The following PDZRN3 variants were observed in gnomAD, a reference collection of about 807,000 sequenced individuals.
PDZRN3 encodes the protein E3 ubiquitin-protein ligase PDZRN3.
Under a neutral mutation model 85.7 loss-of-function variants are expected in PDZRN3, and 38 were observed. The observed-to-expected ratio is 0.44, with a 90% confidence interval of 0.34 to 0.58. The LOEUF is 0.58. Among genes scored for constraint, PDZRN3 ranks in the 20% least tolerant of loss-of-function variants. The pLI is 0.01. For missense variants in PDZRN3, 1,629 were observed against 1,506.4 expected, an observed-to-expected ratio of 1.08 and a Z score of -1.35; for synonymous variants, 759 against 638.0, an observed-to-expected ratio of 1.19 and a Z score of -2.86.
At chr3:73,575,221 T>C (rs1015228772) in intron 3 of PDZRN3, among the ~76,000 whole-genome samples, 1 of 152,190 alleles carries the variant, frequency 6.6e-6, no homozygotes, top group Non-Finnish European at 1.5e-5. Context: ...AGTTCACAAA[T>C]AACTATAGAG....
Position 73,386,226 on chromosome 3 carries a change from C to CTTTTTT in PDZRN3, c.1519-447_1519-442dup, listed in dbSNP as rs71126867. ...GCTGTTTGGCTTGGGCAAGATATCA[C>CTTTTTT]TTTTTTTTTTTTTTTTTTTGAGACA... is the stretch of plus-strand genomic sequence containing the variant. On this transcript the variant is annotated intron_variant, in intron 8 of 9. Coordinates refer to ENST00000263666, the MANE Select transcript of PDZRN3 (RefSeq NM_015009.3). Among the ~76,000 whole-genome samples the CTTTTTT allele has an allele frequency of 4.9e-3, 440 of 90,652 alleles. 54 individuals are homozygous for CTTTTTT. The highest frequency in any genetic ancestry group is 0.012 in the African/African-American group (303 of 24,546). The allele number at this position is 90,652 out of a possible 152,430, so 59.5% of individuals were successfully genotyped here.
intron 3 of PDZRN3, among the ~76,000 whole-genome samples, chr3:73,531,223 C>A (rs1197197426): frequency 6.9e-6 from 1 of 144,658 alleles, no homozygotes; most frequent in Non-Finnish European, 1.5e-5. Flanking sequence ...TGCACTCCAG[C>A]CTGGGTGACA....
At chr3:73,616,977 C>G (rs768380807) in intron 1 of PDZRN3, among the ~76,000 whole-genome samples, 29 of 152,308 alleles carry the variant, frequency 1.9e-4, no homozygotes, top group Non-Finnish European at 3.4e-4. Flanking sequence ...ATTCAGGGCA[C>G]CTTGGAGTCA....
In PDZRN3 at chr3:73,385,749, A is replaced by G. The variant is rs1701365898; in HGVS notation, c.1555T>C (p.Phe519Leu). The G allele has an allele frequency of 6.2e-7, 1 of 1,613,914 alleles. No homozygotes were observed. ...EGWMDDDRND[F>L]LDDLHMDMLE... ...ATGTCCATGTGCAGGTCATCCAGAA[A>G]GTCGTTCCTGTCATCATCCATCCAG... Residue 519 changes from phenylalanine (F) to leucine (L), a missense_variant, in exon 9 of 10, where the codon TTT becomes CTT. Coordinates refer to ENST00000263666, the MANE Select transcript of PDZRN3 (RefSeq NM_015009.3).
At chr3:73,460,720 C>T (rs1287135000) in intron 3 of PDZRN3, among the ~76,000 whole-genome samples, 2 of 152,100 alleles carry the variant, frequency 1.3e-5, no homozygotes, top group Non-Finnish European at 2.9e-5. Flanking sequence ...ATTAATAATA[C>T]TTATTTTCAT....
intron 5 of PDZRN3, among the ~76,000 whole-genome samples, chr3:73,397,027 T>C (rs1031019807): frequency 3.4e-5 from 5 of 146,298 alleles, no homozygotes; most frequent in Non-Finnish European, 6.0e-5. Context: ...ATTTCTTTCT[T>C]CTTTTTCTTT....
At chr3:73,575,874 G>A (rs1362392103) in intron 3 of PDZRN3, among the ~76,000 whole-genome samples, 1 of 152,110 alleles carries the variant, frequency 6.6e-6, no homozygotes, top group African/African-American at 2.4e-5. Flanking sequence ...TATTACCTAA[G>A]CAGTAAGCCT....
intron 3 of PDZRN3, among the ~76,000 whole-genome samples, chr3:73,562,092 TAAA>T (rs1020175190): frequency 6.6e-6 from 1 of 152,184 alleles, no homozygotes; most frequent in Non-Finnish European, 1.5e-5. Context: ...TTACAGTTTC[TAAA>T]ACAGAATAGA....
chr3:73,442,696 G>GC lies in PDZRN3; in HGVS notation c.919-38302_919-38301insG, dbSNP rs1702664406. On this transcript the variant is annotated intron_variant, in intron 3 of 9. Coordinates refer to ENST00000263666, the MANE Select transcript of PDZRN3 (RefSeq NM_015009.3). ...AGCAGCAGTCGTCTGAAAATGTGTGGATTTTTTTTTTTTTTACATCTTTTG... is the reference window on the plus strand; with the variant it reads ...AGCAGCAGTCGTCTGAAAATGTGTGGCATTTTTTTTTTTTTTACATCTTTTG... 1.3e-4 allele frequency among the ~76,000 whole-genome samples: 3 copies of GC among 23,278 alleles called. No individual in the cohort carries two copies. In the Admixed American group the frequency reaches 2.2e-3, roughly 17 times the overall value. The allele number at this position is 23,278 out of a possible 152,430, so 15.3% of individuals were successfully genotyped here.
At chr3:73,437,635 T>C (rs1240886225) in intron 3 of PDZRN3, among the ~76,000 whole-genome samples, 1 of 152,128 alleles carries the variant, frequency 6.6e-6, no homozygotes, top group Non-Finnish European at 1.5e-5. Flanking sequence ...TCCATTCTTG[T>C]GATTAATATG....
chr3:73,436,127 T>C (rs1214624021), intron 3 of PDZRN3, among the ~76,000 whole-genome samples: 1 of 152,214 alleles, frequency 6.6e-6, no homozygotes, highest in East Asian at 1.9e-4. Context: ...TTGTATGAAT[T>C]TACTTTCAGA....
chr3:73,544,655 TCC>T (rs1407679233), intron 3 of PDZRN3, among the ~76,000 whole-genome samples: 1 of 152,050 alleles, frequency 6.6e-6, no homozygotes, highest in Non-Finnish European at 1.5e-5. Flanking sequence ...TTGAATTTTT[TCC>T]ATTGACTACC....
In PDZRN3 at chr3:73,414,433, C is replaced by CT. The variant is rs914688271; in HGVS notation, c.919-10039dup. Among the ~76,000 whole-genome samples, 88 of 151,910 alleles carry CT rather than the reference C, an allele frequency of 5.8e-4. 1 individual carries two copies. Among genetic ancestry groups the CT allele is most frequent in the African/African-American group, 1.9e-3 (78 of 41,458 alleles). ...AGAGTGGTTTGGCATCTTTTTTGTT[C>CT]TTTTTTTTTGTTTTGTTTTCTATCC... On this transcript the variant is annotated intron_variant, in intron 3 of 9. Coordinates refer to ENST00000263666, the MANE Select transcript of PDZRN3 (RefSeq NM_015009.3).
At chr3:73,596,632 C>T (rs1299544256) in intron 3 of PDZRN3, among the ~76,000 whole-genome samples, 3 of 152,152 alleles carry the variant, frequency 2.0e-5, no homozygotes, top group Non-Finnish European at 4.4e-5. Context: ...GACCTGGATC[C>T]ATCCATGAGG....
chr3:73,390,902 T>A, intron 6 of PDZRN3, 116 bp downstream of exon 6: 1 of 694,320 alleles, frequency 1.4e-6, no homozygotes, highest in African/African-American at 1.8e-5. Flanking sequence ...GGGGACAGAA[T>A]AATTTGTGTC....
Position 73,500,453 on chromosome 3 carries a change from C to CCCATT in PDZRN3, c.919-96059_919-96058insAATGG, listed in dbSNP as rs2106683485. On this transcript the variant is annotated intron_variant, in intron 3 of 9. Transcript: ENST00000263666. ...CTCTCCAACCCCATTTCCACATGAG[C>CCCATT]TCTGCCACATTTCACTTTGGGCCCT... Among the ~76,000 whole-genome samples, 3 of 152,296 alleles carry CCCATT rather than the reference C, an allele frequency of 2.0e-5. No homozygotes were observed. In the East Asian group the frequency reaches 5.8e-4, roughly 29 times the overall value.
At chr3:73,404,583 G>A (rs1481454767) in intron 3 of PDZRN3, 188 bp from the exon 4 acceptor site, 3 of 590,506 alleles carry the variant, frequency 5.1e-6, no homozygotes, top group Non-Finnish European at 8.9e-6. Flanking sequence ...TGAGTTTGGA[G>A]GTATTCAGAT....
chr3:73,559,626 A>T (rs981172944), intron 3 of PDZRN3, among the ~76,000 whole-genome samples: 1 of 152,214 alleles, frequency 6.6e-6, no homozygotes, highest in African/African-American at 2.4e-5. Context: ...GCCACCTTCT[A>T]GTTACTGCAT....
chr3:73,603,818 G>GA (rs1702552549), intron 2 of PDZRN3, among the ~76,000 whole-genome samples: 1 of 151,034 alleles, frequency 6.6e-6, no homozygotes, highest in Non-Finnish European at 1.5e-5. Context: ...ACTAAGCTTG[G>GA]AAAAATGTAC....
Sources: allele counts gnomAD v4.1 joint callset (sites outside exome capture counted in the v4.1 genomes callset), GRCh38; gene constraint gnomAD v4.1.1; transcripts MANE v1.5; gene names NCBI Gene and HGNC (gene_info 2026-07-23, HGNC 2026-07-21).